The following GDI2 variants were observed in gnomAD, a reference collection of about 807,000 sequenced individuals.
GDI2 encodes the protein GDP dissociation inhibitor 2, also known as rab GDP dissociation inhibitor beta.
A neutral mutation model predicts 54.2 loss-of-function variants in GDI2; 22 were observed. The ratio of observed to expected loss-of-function variants is 0.41; its 90% CI spans 0.29 to 0.58. GDI2 has a LOEUF of 0.58. Ranked by LOEUF, GDI2 falls within the 20% of genes least tolerant of loss-of-function variation. The pLI, the probability that GDI2 is intolerant of heterozygous loss-of-function variation, is 0.35. For missense variants in GDI2, 422 were observed against 546.0 expected, an observed-to-expected ratio of 0.77 and a Z score of 2.26; for synonymous variants, 177 against 182.1, an observed-to-expected ratio of 0.97 and a Z score of 0.23.
chr10:5,775,189 G>A (rs749021655), intron 6 of GDI2, among the ~76,000 whole-genome samples: 4 of 152,186 alleles, frequency 2.6e-5, no homozygotes, highest in Non-Finnish European at 4.4e-5. Flanking sequence ...CCGGAATGCT[G>A]AAGTGGCAGC....
chr10:5,778,578 ATTAG>A (rs1840678202), intron 6 of GDI2, among the ~76,000 whole-genome samples: 2 of 152,226 alleles, frequency 1.3e-5, no homozygotes, highest in Non-Finnish European at 2.9e-5. Context: ...GAACCAAATT[ATTAG>A]TTATGCTTTT....
intron 6 of GDI2, among the ~76,000 whole-genome samples, chr10:5,779,019 A>G (rs945951576): frequency 6.6e-6 from 1 of 152,236 alleles, no homozygotes; most frequent in Non-Finnish European, 1.5e-5. Flanking sequence ...AAGAAAACAG[A>G]AAAACAAACA....
chr10:5,808,416 G>A (rs1841420039), intron 1 of GDI2, among the ~76,000 whole-genome samples: 1 of 152,044 alleles, frequency 6.6e-6, no homozygotes, highest in Non-Finnish European at 1.5e-5. Flanking sequence ...GCTCTCGCCT[G>A]TAATCCCAGC....
chr10:5,776,556 T>C lies in GDI2; in HGVS notation c.720-2615A>G, dbSNP rs1196898638. 2.6e-6 allele frequency: 4 copies of C among 1,566,824 alleles called. No individual in the cohort carries two copies. The highest frequency in any genetic ancestry group is 4.5e-5 in the East Asian group (2 of 44,472). On this transcript the variant is annotated intron_variant, in intron 6 of 10. Transcript: ENST00000380191. The surrounding 1 kb of genome is among the most constrained non-coding windows in gnomAD (Gnocchi z 5.3). The stretch of plus-strand genomic sequence containing the variant: ...GATTTGAAGAGGCATGTGGAATTCC[T>C]TGTGGCTGAGAATGAAAGATTAAGG...
intron 3 of GDI2, among the ~76,000 whole-genome samples, chr10:5,795,820 A>G (rs1343359971): frequency 6.6e-6 from 1 of 152,184 alleles, no homozygotes; most frequent in African/African-American, 2.4e-5. Flanking sequence ...GTGGTGGGAC[A>G]CTGAAGTGAG....
intron 2 of GDI2, among the ~76,000 whole-genome samples, chr10:5,800,338 G>A (rs1841240916): frequency 3.3e-5 from 5 of 152,120 alleles, no homozygotes; most frequent in Admixed American, 3.3e-4. Flanking sequence ...CACTGGACTT[G>A]CGCTGGCACA....
At chr10:5,803,020 CTGTG>C (rs1334856060) in intron 1 of GDI2, among the ~76,000 whole-genome samples, 1 of 152,202 alleles carries the variant, frequency 6.6e-6, no homozygotes, top group Non-Finnish European at 1.5e-5. Context: ...AATTACATGT[CTGTG>C]TGAGACCTGT....
chr10:5,813,122 C>T, intron 1 of GDI2, 92 bp downstream of exon 1: 1 of 739,596 alleles, frequency 1.4e-6, no homozygotes. Flanking sequence ...CAGAACGAGA[C>T]CCCCGAGGAG....
In GDI2 at chr10:5,776,833, G is replaced by A. The variant is rs1294863451; in HGVS notation, c.720-2892C>T. The A allele has an allele frequency of 6.6e-6, 9 of 1,369,224 alleles. No individual in the cohort carries two copies. The highest frequency in any genetic ancestry group is 9.1e-6 in the Non-Finnish European group (9 of 988,978). The allele number at this position is 1,369,224 out of a possible 1,614,324, so 84.8% of individuals were successfully genotyped here. ...CAGAACTTCCCCTTATGGAGCTGAG[G>A]ATATTCTGAAAGGATTTATGAATAA... On this transcript the variant is annotated intron_variant, in intron 6 of 10. Transcript: ENST00000380191. The surrounding 1 kb of genome is among the most constrained non-coding windows in gnomAD (Gnocchi z 5.3).
rs939290868 is a variant in GDI2, at chr10:5,776,805, C to T, written c.720-2864G>A. On this transcript the variant is annotated intron_variant, in intron 6 of 10. Transcript: ENST00000380191. This position sits in a 1 kb window ranked among gnomAD's most constrained non-coding sequence, Gnocchi z 5.3. ...AATCTTCCTCCCTTGGATTTTCCAT[C>T]TCCAGAACTTCCCCTTATGGAGCTG... 8 of 1,512,356 alleles carry T rather than the reference C, an allele frequency of 5.3e-6. No individual in the cohort carries two copies. In the African/African-American group the frequency reaches 1.1e-4, roughly 21 times the overall value. 93.7% of individuals were successfully genotyped at this position (1,512,356 alleles called of 1,614,324 possible). A position where few individuals can be genotyped will look rare whatever the true frequency, so the allele number is the denominator to read the frequency against.
intron 4 of GDI2, among the ~76,000 whole-genome samples, chr10:5,793,422 C>T (rs913543049): frequency 6.6e-6 from 1 of 152,202 alleles, no homozygotes; most frequent in African/African-American, 2.4e-5. Context: ...CTACTAACTA[C>T]CCGCAACTGA....
At chr10:5,781,253 GA>G (rs1421049929) in intron 6 of GDI2, among the ~76,000 whole-genome samples, 1 of 139,432 alleles carries the variant, frequency 7.2e-6, no homozygotes, top group Non-Finnish European at 1.5e-5. Context: ...TAAATGCACA[GA>G]TAAAATTATA....
At chr10:5,804,097 T>A (rs894777921) in intron 1 of GDI2, among the ~76,000 whole-genome samples, 4 of 13,442 alleles carry the variant, frequency 3.0e-4, no homozygotes, top group East Asian at 2.1e-3. Flanking sequence ...TCATTCTTTC[T>A]TTTTTTTTTT....
In GDI2 at chr10:5,765,993, A is replaced by G; in HGVS notation, c.*13T>C. On this transcript the variant is annotated 3_prime_UTR_variant, in exon 11 of 11. Coordinates refer to ENST00000380191, the MANE Select transcript of GDI2 (RefSeq NM_001494.4). ...TTAAATGTGTCCTAATTACATAATA[A>G]CATGTACTGCTGTTAGTCTTCCCCA... The G allele has an allele frequency of 6.4e-7, 1 of 1,562,416 alleles. No homozygotes were observed. Among genetic ancestry groups the G allele is most frequent in the Middle Eastern group, 1.8e-4 (1 of 5,442 alleles).
intron 7 of GDI2, among the ~76,000 whole-genome samples, chr10:5,771,580 G>A (rs1419326638): frequency 2.0e-5 from 3 of 151,566 alleles, no homozygotes; most frequent in African/African-American, 7.3e-5. Flanking sequence ...ATTATAGGTG[G>A]GTGTCCTGAC....
rs1208196116 is a variant in GDI2 at position 5,788,717 on chromosome 10, A to AT, written c.389-2668dup. On this transcript the variant is annotated intron_variant, in intron 4 of 10. Transcript: ENST00000380191. ...CACAGACAGGACAAGCTTGATGTAG[A>AT]TTTTTTCTTGTCAATAAATGTACTG... Among the ~76,000 whole-genome samples, 4 of 151,732 alleles carry AT rather than the reference A, an allele frequency of 2.6e-5. No individual in the cohort carries two copies. The East Asian group carries it at 5.8e-4, about 22-fold the overall frequency.
At chr10:5,791,031 G>T (rs1840999566) in intron 4 of GDI2, among the ~76,000 whole-genome samples, 1 of 152,078 alleles carries the variant, frequency 6.6e-6, no homozygotes, top group Admixed American at 6.6e-5. Flanking sequence ...AGGCATGCAT[G>T]GTGGGATATG....
At chr10:5,799,302 A>C (rs1841215595) in intron 2 of GDI2, among the ~76,000 whole-genome samples, 1 of 152,242 alleles carries the variant, frequency 6.6e-6, no homozygotes, top group Non-Finnish European at 1.5e-5. Context: ...GCACTGCTGC[A>C]CTTCAGCCTG....
intron 6 of GDI2, among the ~76,000 whole-genome samples, chr10:5,778,048 T>C (rs997163223): frequency 1.3e-5 from 2 of 152,052 alleles, no homozygotes; most frequent in African/African-American, 4.8e-5. Context: ...GAAAACCAAA[T>C]ACCGCATGTT....
Sources: allele counts gnomAD v4.1 joint callset (sites outside exome capture counted in the v4.1 genomes callset), GRCh38; gene constraint gnomAD v4.1.1; non-coding constraint Gnocchi (gnomAD v3.1); transcripts MANE v1.5; gene names NCBI Gene and HGNC (gene_info 2026-07-23, HGNC 2026-07-21).